PCDHGA4: variants seen among roughly 807,000 people sequenced by gnomAD.
PCDHGA4 encodes protocadherin gamma-A4.
PCDHGA4 carries 38 observed loss-of-function variants against 54.6 expected under a neutral mutation model. The ratio of observed to expected loss-of-function variants is 0.70; its 90% confidence interval spans 0.54 to 0.91. The LOEUF is 0.91. Ranked by LOEUF, PCDHGA4 falls within the 40% of genes least tolerant of loss-of-function variation. The pLI is 0.00. For missense variants in PCDHGA4, 1,298 were observed against 1,220.9 expected, an observed-to-expected ratio of 1.06 and a Z score of -0.94; for synonymous variants, 511 against 512.9, an observed-to-expected ratio of 1.00 and a Z score of 0.05.
At chr5:141,407,874 T>C (rs2094995185) in intron 1 of PCDHGA4, 1 of 358,496 alleles carries the variant, frequency 2.8e-6, no homozygotes, top group South Asian at 5.6e-5. Context: ...GAAGAATATA[T>C]ACATTTCGGA....
In PCDHGA4 at chr5:141,510,915, A is replaced by G; in HGVS notation, c.2663-32A>G. 8 of 1,613,786 alleles carry G rather than the reference A, an allele frequency of 5.0e-6. No individual in the cohort carries two copies. The South Asian group carries it at 8.8e-5, about 18-fold the overall frequency. ...AGTGACTGTTGAGGACCCTAAGTTT[A>G]GCTCCCACCTGATCTTCCTCTGTCT... On this transcript the variant is annotated intron_variant, in intron 3 of 3. Coordinates refer to ENST00000571252, the MANE Select transcript of PCDHGA4 (RefSeq NM_018917.4).
rs2096205933 is a variant in PCDHGA4, at chr5:141,417,998, G to C, written c.2514+60377G>C. ...GGAGGAGCTGGCCAAGGGCTCGGTGGTGGGGAACCTCGCTAAGGATCTAGG... is the reference window on the plus strand; with the variant it reads ...GGAGGAGCTGGCCAAGGGCTCGGTGCTGGGGAACCTCGCTAAGGATCTAGG... On this transcript the variant is annotated intron_variant, in intron 1 of 3. Transcript: ENST00000571252. The C allele has an allele frequency of 1.9e-6, 3 of 1,613,928 alleles. No individual in the cohort carries two copies. The East Asian group carries it at 6.7e-5, about 36-fold the overall frequency.
rs1011341002 is a variant in PCDHGA4, at chr5:141,476,141, G to T, written c.2515-18666G>T. 1 of 1,610,048 alleles carries T rather than the reference G, an allele frequency of 6.2e-7. No individual in the cohort carries two copies. The highest frequency in any genetic ancestry group is 2.2e-5 in the East Asian group (1 of 44,844). On this transcript the variant is annotated intron_variant, in intron 1 of 3. Coordinates refer to ENST00000571252, the MANE Select transcript of PCDHGA4 (RefSeq NM_018917.4). The surrounding 1 kb of genome is among the most constrained non-coding windows in gnomAD (Gnocchi z 7.6). ...GATGGTCCCAGAGGCCTGGAGGAGC[G>T]GACTGGTAAGCACCGGGAGGGTAGT...
intron 1 of PCDHGA4, chr5:141,384,978 G>C (rs1394445835): frequency 6.2e-7 from 1 of 1,614,032 alleles, no homozygotes; most frequent in Non-Finnish European, 8.5e-7. Context: ...CGTTGTACCT[G>C]GTGGTGGCGG....
At position 141,477,806 on chromosome 5, in the gene PCDHGA4, G is replaced by GC; in HGVS notation, c.2515-16995dup. Reference sequence around the variant, plus strand: ...ATTTGTCACTGATCGCAATGACAATGCCCCCCAGGTCCTATATCCTCGGCC... The same window carrying GC: ...ATTTGTCACTGATCGCAATGACAATGCCCCCCCAGGTCCTATATCCTCGGCC... On this transcript the variant is annotated intron_variant, in intron 1 of 3. Transcript: ENST00000571252. This position sits in a 1 kb window ranked among gnomAD's most constrained non-coding sequence, Gnocchi z 4.9. 1 of 1,614,114 alleles carries GC rather than the reference G, an allele frequency of 6.2e-7. No homozygotes were observed.
chr5:141,489,101 T>A lies in PCDHGA4; in HGVS notation c.2515-5706T>A. 2 of 398,380 alleles carry A rather than the reference T, an allele frequency of 5.0e-6. No individual in the cohort carries two copies. Among genetic ancestry groups the A allele is most frequent in the Non-Finnish European group, 9.0e-6 (2 of 223,310 alleles). The allele number at this position is 398,380 out of a possible 1,614,324, so 24.7% of individuals were successfully genotyped here. ...CCGCCACTCGGTGACTAAGAACTGC[T>A]GCAAGCAGGCAAACCTCCGAGCAGT... On this transcript the variant is annotated intron_variant, in intron 1 of 3. Coordinates refer to ENST00000571252, the MANE Select transcript of PCDHGA4 (RefSeq NM_018917.4). This position sits in a 1 kb window ranked among gnomAD's most constrained non-coding sequence, Gnocchi z 4.5.
chr5:141,489,459 C>T lies in PCDHGA4; in HGVS notation c.2515-5348C>T. The T allele has an allele frequency of 6.2e-7, 1 of 1,614,086 alleles. No homozygotes were observed. The highest frequency in any genetic ancestry group is 8.5e-7 in the Non-Finnish European group (1 of 1,180,012). On this transcript the variant is annotated intron_variant, in intron 1 of 3. Coordinates refer to ENST00000571252, the MANE Select transcript of PCDHGA4 (RefSeq NM_018917.4). The surrounding 1 kb of genome is among the most constrained non-coding windows in gnomAD (Gnocchi z 4.5). The stretch of plus-strand genomic sequence containing the variant: ...AATTGGGCTCTGAGGAGAATGGGCG[C>T]TATTTTTCCCTGAGCTTGATGAGTG...
At chr5:141,388,364 G>A (rs749994962) in intron 1 of PCDHGA4, 12 of 1,613,846 alleles carry the variant, frequency 7.4e-6, no homozygotes, top group Middle Eastern at 1.6e-4. Context: ...CCCATGATGC[G>A]GATATTGGTA....
At chr5:141,387,877 C>T in intron 1 of PCDHGA4, 1 of 1,585,868 alleles carries the variant, frequency 6.3e-7, no homozygotes, top group Non-Finnish European at 8.6e-7. Flanking sequence ...CTGAGGAGAG[C>T]AAGAGGGATG....
chr5:141,454,796 ATTTTTTTTTT>A (rs61612330), intron 1 of PCDHGA4, among the ~76,000 whole-genome samples: 11 of 77,458 alleles, frequency 1.4e-4, no homozygotes, highest in East Asian at 8.0e-4. Flanking sequence ...CATGGTTCTA[ATTTTTTTTTT>A]TTTTTTTTTT....
At chr5:141,416,115 A>G (rs2095995433) in intron 1 of PCDHGA4, 2 of 155,406 alleles carry the variant, frequency 1.3e-5, no homozygotes, top group East Asian at 1.9e-4. Context: ...TTCAAACTAC[A>G]TTTTATATAT....
Position 141,355,329 on chromosome 5 carries a change from A to T in PCDHGA4, c.222A>T (p.Ser74=). 6.2e-7 allele frequency: 1 copy of T among 1,614,020 alleles called. No individual in the cohort carries two copies. Among genetic ancestry groups the T allele is most frequent in the Non-Finnish European group, 8.5e-7 (1 of 1,179,906 alleles). The change falls in exon 1 of 4, where the codon TCA becomes TCT. Residue 74 remains serine (S), a synonymous_variant. Coordinates refer to ENST00000571252, the MANE Select transcript of PCDHGA4 (RefSeq NM_018917.4). ...YSVFEEQEEG[S]VVGNIAKDLG... ...TGTTTGAGGAGCAGGAAGAAGGCTCAGTGGTGGGCAACATCGCCAAGGACC... is the reference window on the plus strand; with the variant it reads ...TGTTTGAGGAGCAGGAAGAAGGCTCTGTGGTGGGCAACATCGCCAAGGACC...
At position 141,487,670 on chromosome 5, in the gene PCDHGA4, T is replaced by C. The variant is rs2099658277; in HGVS notation, c.2515-7137T>C. 2 of 1,612,302 alleles carry C rather than the reference T, an allele frequency of 1.2e-6. No homozygotes were observed. Among genetic ancestry groups the C allele is most frequent in the Non-Finnish European group, 1.7e-6 (2 of 1,179,082 alleles). On this transcript the variant is annotated intron_variant, in intron 1 of 3. Transcript: ENST00000571252. The surrounding 1 kb of genome is among the most constrained non-coding windows in gnomAD (Gnocchi z 5.0). The stretch of plus-strand genomic sequence containing the variant: ...TGAGGGTTATTCTGATCCAGGCATA[T>C]GGCTAGGCCATGTCCTAGAGAGTAC...
chr5:141,487,068 T>C lies in PCDHGA4; in HGVS notation c.2515-7739T>C. ...TATGCTGGGGAGGTGCGGACGGCTG[T>C]TCCTATCCCAGCTGACCTCCCACCA... On this transcript the variant is annotated intron_variant, in intron 1 of 3. Transcript: ENST00000571252. The surrounding 1 kb of genome is among the most constrained non-coding windows in gnomAD (Gnocchi z 5.0). The C allele has an allele frequency of 6.2e-7, 1 of 1,614,166 alleles. No individual in the cohort carries two copies. The highest frequency in any genetic ancestry group is 8.5e-7 in the Non-Finnish European group (1 of 1,180,016).
Position 141,356,703 on chromosome 5 carries a change from GTCC to G in PCDHGA4, c.1601_1603del (p.Ser534del), listed in dbSNP as rs749123912. On this transcript the variant is annotated inframe_deletion, in exon 1 of 4. Coordinates refer to ENST00000571252, the MANE Select transcript of PCDHGA4 (RefSeq NM_018917.4). ...AAGACACCTTCCAGGGTGCACCTCT[GTCC>G]TCCTATGTCTCCATCAACTCCAATA... 3.1e-6 allele frequency: 5 copies of G among 1,613,980 alleles called. No homozygotes were observed. Among genetic ancestry groups the G allele is most frequent in the Non-Finnish European group, 3.4e-6 (4 of 1,179,900 alleles).
intron 1 of PCDHGA4, among the ~76,000 whole-genome samples, chr5:141,426,115 G>A (rs574477590): frequency 4.6e-5 from 7 of 152,364 alleles, no homozygotes; most frequent in South Asian, 2.1e-4. Flanking sequence ...GAAGCAAGTC[G>A]GAGAGTGGCC....
intron 1 of PCDHGA4, among the ~76,000 whole-genome samples, chr5:141,464,440 T>C (rs566597587): frequency 6.6e-6 from 1 of 151,608 alleles, no homozygotes; most frequent in South Asian, 2.1e-4. Context: ...TATATGTTTG[T>C]TGTTGTTGTT....
At chr5:141,429,164 G>A (rs2097189096) in intron 1 of PCDHGA4, 1 of 131,392 alleles carries the variant, frequency 7.6e-6, no homozygotes, top group African/African-American at 3.1e-5. Flanking sequence ...CGGAGACATT[G>A]TTTATACACA....
chr5:141,421,741 C>A lies in PCDHGA4; in HGVS notation c.2514+64120C>A. 3 of 1,613,902 alleles carry A rather than the reference C, an allele frequency of 1.9e-6. No individual in the cohort carries two copies. The South Asian group carries it at 3.3e-5, about 18-fold the overall frequency. ...GGGCGTGAACTCCCTCCAGAGCTAC[C>A]AGCTCAGCCCTAATAATTACTTTTC... On this transcript the variant is annotated intron_variant, in intron 1 of 3. Transcript: ENST00000571252.
Sources: gnomAD v4.1 joint callset for allele counts (sites outside exome capture counted in the v4.1 genomes callset) on GRCh38, gnomAD v4.1.1 for gene constraint, Gnocchi (gnomAD v3.1) non-coding constraint, MANE v1.5 for transcripts, NCBI Gene and HGNC (gene_info 2026-07-23, HGNC 2026-07-21) for gene names.